Variants in MAML3 observed in about 807,000 individuals in gnomAD.
MAML3 encodes mastermind-like protein 3.
Under a neutral mutation model 101.9 loss-of-function variants are expected in MAML3, and 27 were observed. The observed-to-expected ratio is 0.27, with a 90% confidence interval of 0.20 to 0.37. The LOEUF is 0.37. Ranked by LOEUF, MAML3 falls within the 10% of genes least tolerant of loss-of-function variation. The probability of loss-of-function intolerance (pLI) is 1.00; values close to 1 mark genes in which losing one functional copy is unlikely to be tolerated. For synonymous variants in MAML3, 501 were observed against 555.9 expected (o/e 0.90, Z 1.39); for missense variants, 1,316 against 1,444.9 (o/e 0.91, Z 1.45).
intron 2 of MAML3, among the ~76,000 whole-genome samples, chr4:139,801,986 C>T (rs72948530): frequency 0.012 from 1,831 of 152,202 alleles, 46 homozygotes; most frequent in African/African-American, 0.041. Context: ...CTTCAGAATG[C>T]GGCTGCACAT....
intron 1 of MAML3, among the ~76,000 whole-genome samples, chr4:139,968,523 C>G (rs115601831): frequency 6.6e-6 from 1 of 152,006 alleles, no homozygotes. Context: ...ACCATTCTTA[C>G]AGTAATAAGT....
At position 139,890,952 on chromosome 4, in the gene MAML3, TCA is replaced by T; in HGVS notation, c.482_483del (p.Val161GlufsTer12). On this transcript the variant is annotated frameshift_variant, in exon 2 of 5. Coordinates refer to ENST00000509479, the MANE Select transcript of MAML3 (RefSeq NM_018717.5). LOFTEE classifies it high-confidence loss of function. This position sits in a 1 kb window ranked among gnomAD's most constrained non-coding sequence, Gnocchi z 4.1. ...NHTLIMLQET[V>X]KRKLEGARSP... ...GATCGAGCTCCTTCCAACTTCCTTT[TCA>T]CAGTCTCTTGTAGCTGGAAAAGAAA... The T allele has an allele frequency of 6.2e-7, 1 of 1,612,216 alleles. No homozygotes were observed. The highest frequency in any genetic ancestry group is 8.5e-7 in the Non-Finnish European group (1 of 1,178,824).
chr4:139,771,478 C>T (rs895372194), intron 2 of MAML3, among the ~76,000 whole-genome samples: 1 of 152,206 alleles, frequency 6.6e-6, no homozygotes, highest in Non-Finnish European at 1.5e-5. Flanking sequence ...CACACAAAAG[C>T]TCCTATACTT....
intron 1 of MAML3, among the ~76,000 whole-genome samples, chr4:140,039,814 C>T (rs1248267724): frequency 6.6e-6 from 1 of 152,222 alleles, no homozygotes; most frequent in African/African-American, 2.4e-5. Context: ...GGATTTTCCT[C>T]TTTTACCTTT....
intron 1 of MAML3, among the ~76,000 whole-genome samples, chr4:139,990,337 A>G (rs1734641893): frequency 1.3e-5 from 2 of 152,176 alleles, no homozygotes; most frequent in African/African-American, 4.8e-5. Context: ...AAGGCCTTTG[A>G]CAAAATTCAA....
At chr4:139,806,348 T>C (rs1730699613) in intron 2 of MAML3, among the ~76,000 whole-genome samples, 1 of 152,124 alleles carries the variant, frequency 6.6e-6, no homozygotes, top group Admixed American at 6.5e-5. Context: ...AAAAATATAA[T>C]TTAGCCAATA....
At chr4:139,773,927 TA>T (rs1730043999) in intron 2 of MAML3, among the ~76,000 whole-genome samples, 1 of 152,212 alleles carries the variant, frequency 6.6e-6, no homozygotes, top group South Asian at 2.1e-4. Context: ...TGTGAAACCA[TA>T]TGTATGGGTT....
chr4:140,060,380 A>AAAAAAAAAAAAAAAAAAAAAAAAAAC (rs1727425700), intron 1 of MAML3, among the ~76,000 whole-genome samples: 1 of 147,902 alleles, frequency 6.8e-6, no homozygotes, highest in Non-Finnish European at 1.5e-5. Flanking sequence ...AAAAAAAAAA[A>AAAAAAAAAAAAAAAAAAAAAAAAAAC]AAAAAGTCAC....
chr4:139,741,735 A>G (rs1729171424), intron 2 of MAML3, among the ~76,000 whole-genome samples: 1 of 152,220 alleles, frequency 6.6e-6, no homozygotes, highest in Non-Finnish European at 1.5e-5. Flanking sequence ...TGACAGAGTG[A>G]GACCCTGTCT....
chr4:139,944,227 G>GT (rs1169416310), intron 1 of MAML3, among the ~76,000 whole-genome samples: 112 of 151,944 alleles, frequency 7.4e-4, no homozygotes, highest in Non-Finnish European at 1.3e-3. Context: ...TGTGCACATT[G>GT]TGCAGGTTAG....
intron 1 of MAML3, among the ~76,000 whole-genome samples, chr4:139,992,177 T>C (rs1734692052): frequency 1.3e-5 from 2 of 152,214 alleles, no homozygotes; most frequent in African/African-American, 4.8e-5. Context: ...TAGCAGGCAT[T>C]GAGTTCCTTA....
At chr4:140,060,258 C>T (rs1267945521) in intron 1 of MAML3, among the ~76,000 whole-genome samples, 1 of 150,434 alleles carries the variant, frequency 6.6e-6, no homozygotes, top group East Asian at 2.0e-4. Context: ...CCCAGCTACT[C>T]AGGAGGCTGA....
chr4:139,890,709 G>C lies in MAML3; in HGVS notation c.727C>G (p.Leu243Val). 1.2e-6 allele frequency: 2 copies of C among 1,614,016 alleles called. No individual in the cohort carries two copies. Among genetic ancestry groups the C allele is most frequent in the East Asian group, 4.5e-5 (2 of 44,886 alleles). ...GTHTPGLLED[L>V]SKNGRLPEIK... ...TCAGGGAGCCTACCATTCTTACTTA[G>C]ATCTTCTAGAAGCCCAGGAGTGTGA... is the stretch of plus-strand genomic sequence containing the variant. The change falls in exon 2 of 5, where the codon CTA (leucine) becomes GTA (valine). Residue 243 changes from leucine to valine, a missense_variant. Transcript: ENST00000509479. This position sits in a 1 kb window ranked among gnomAD's most constrained non-coding sequence, Gnocchi z 4.1.
intron 1 of MAML3, among the ~76,000 whole-genome samples, chr4:140,152,291 G>A (rs1488117242): frequency 6.6e-6 from 1 of 152,242 alleles, no homozygotes. Flanking sequence ...TCAGCCCAAA[G>A]GGGGTGAGCT....
intron 1 of MAML3, among the ~76,000 whole-genome samples, chr4:139,993,896 T>C (rs1734752294): frequency 6.6e-6 from 1 of 152,218 alleles, no homozygotes; most frequent in African/African-American, 2.4e-5. Context: ...ATTACACTTT[T>C]GGTGTTGTAT....
chr4:139,834,122 C>T (rs1731218606), intron 2 of MAML3, among the ~76,000 whole-genome samples: 1 of 152,192 alleles, frequency 6.6e-6, no homozygotes, highest in Non-Finnish European at 1.5e-5. Flanking sequence ...AAATAGAGAA[C>T]GCTGCCATTT....
chr4:139,825,852 T>C (rs866847774), intron 2 of MAML3, among the ~76,000 whole-genome samples: 1 of 151,896 alleles, frequency 6.6e-6, no homozygotes, highest in Non-Finnish European at 1.5e-5. Context: ...GAACAATAGA[T>C]AACCAGTCAG....
chr4:139,766,515 T>C (rs1729862786), intron 2 of MAML3, among the ~76,000 whole-genome samples: 2 of 152,120 alleles, frequency 1.3e-5, no homozygotes. Context: ...GTAGTGTCAA[T>C]GAGGGGAACT....
intron 2 of MAML3, among the ~76,000 whole-genome samples, chr4:139,739,904 T>G (rs894538585): frequency 2.0e-5 from 3 of 152,140 alleles, no homozygotes; most frequent in Non-Finnish European, 4.4e-5. Context: ...TGGAATGAAA[T>G]GTAGAGTTCA....
Sources: allele counts gnomAD v4.1 joint callset (sites outside exome capture counted in the v4.1 genomes callset), GRCh38; gene constraint gnomAD v4.1.1; non-coding constraint Gnocchi (gnomAD v3.1); transcripts MANE v1.5; gene names NCBI Gene and HGNC (gene_info 2026-07-23, HGNC 2026-07-21).